Variants in SLIT1 observed in about 807,000 individuals in gnomAD.
The protein encoded by SLIT1 is slit homolog 1 protein.
Under a neutral mutation model 186.1 loss-of-function variants are expected in SLIT1, and 66 were observed. The ratio of observed to expected loss-of-function variants is 0.35; its 90% CI spans 0.29 to 0.44. SLIT1 has a LOEUF of 0.44. SLIT1 is among the 20% of genes least tolerant of loss of function. The pLI is 1.00. For missense variants in SLIT1, 1,638 were observed against 2,037.4 expected, an observed-to-expected ratio of 0.80 and a Z score of 3.77; for synonymous variants, 761 against 833.8, an observed-to-expected ratio of 0.91 and a Z score of 1.50.
intron 18 of SLIT1, among the ~76,000 whole-genome samples, chr10:97,044,613 T>TATA (rs530617862): frequency 8.6e-5 from 13 of 151,778 alleles, no homozygotes; most frequent in African/African-American, 2.7e-4. Context: ...GAATGAAAAA[T>TATA]ATAATAATAA....
chr10:97,061,384 G>GTGT (rs1385565549), intron 8 of SLIT1, among the ~76,000 whole-genome samples: 3 of 152,228 alleles, frequency 2.0e-5, no homozygotes, highest in Non-Finnish European at 4.4e-5. Flanking sequence ...CTTATACAAA[G>GTGT]TGTTCTTTCT....
At chr10:97,039,055 G>C (rs1209174521) in intron 21 of SLIT1, among the ~76,000 whole-genome samples, 2 of 152,204 alleles carry the variant, frequency 1.3e-5, no homozygotes, top group Non-Finnish European at 2.9e-5. Context: ...AGACGGGGCA[G>C]GCCAGGCCCA....
chr10:97,014,079 C>T lies in SLIT1; in HGVS notation c.3049G>A (p.Gly1017Arg), dbSNP rs2134594429. The change falls in exon 29 of 37, where the codon GGG becomes AGG. Residue 1017 changes from glycine (G) to arginine (R), a missense_variant. Transcript: ENST00000266058. ...DDCVDHACANGGVCVDGVGNY... is the reference protein window; with the variant it reads ...DDCVDHACANRGVCVDGVGNY... Reference sequence around the variant, plus strand: ...CCCACACCATCCACACAGACGCCCCCATTGGCACAGGCATGATCCACACAG... The same window carrying T: ...CCCACACCATCCACACAGACGCCCCTATTGGCACAGGCATGATCCACACAG... 6.2e-7 allele frequency: 1 copy of T among 1,613,950 alleles called. No individual in the cohort carries two copies. The highest frequency in any genetic ancestry group is 2.2e-5 in the East Asian group (1 of 44,876).
rs528611322 is a variant in SLIT1 at position 97,030,741 on chromosome 10, G to A, written c.2582+16C>T. 106 of 1,604,714 alleles carry A rather than the reference G, an allele frequency of 6.6e-5. 2 individuals are homozygous for A. The South Asian group carries it at 1.1e-3, about 17-fold the overall frequency. On this transcript the variant is annotated intron_variant, in intron 25 of 36. Coordinates refer to ENST00000266058, the MANE Select transcript of SLIT1 (RefSeq NM_003061.3). ...GAAATCCAAAGAGGCCCAGAGAAAG[G>A]GGCTAGGGTACTCACAGGTGAGACA...
At chr10:97,090,812 T>C (rs1849223019) in intron 4 of SLIT1, among the ~76,000 whole-genome samples, 1 of 152,194 alleles carries the variant, frequency 6.6e-6, no homozygotes, top group African/African-American at 2.4e-5. Context: ...GTCCAGCGGG[T>C]GCTGGGCCCT....
At chr10:97,067,306 G>A (rs578102670) in intron 4 of SLIT1, among the ~76,000 whole-genome samples, 52 of 152,264 alleles carry the variant, frequency 3.4e-4, no homozygotes, top group African/African-American at 1.0e-3. Flanking sequence ...TCCCTGTCAG[G>A]GCCGGGCCTC....
At chr10:97,154,663 C>T (rs1401970753) in intron 4 of SLIT1, 2 of 152,266 alleles carry the variant, frequency 1.3e-5, no homozygotes, top group Non-Finnish European at 2.9e-5. Flanking sequence ...CAGCCCCCTC[C>T]CGAAAGCAGC....
intron 1 of SLIT1, among the ~76,000 whole-genome samples, chr10:97,178,645 C>G (rs1170600109): frequency 5.9e-5 from 9 of 152,120 alleles, no homozygotes; most frequent in Non-Finnish European, 1.2e-4. Context: ...GTTTAATTTT[C>G]TGATGTTGAT....
rs537582529 is a variant in SLIT1, at chr10:97,029,541, G to A, written c.2582+1216C>T. Among the ~76,000 whole-genome samples, 13 of 152,324 alleles carry A rather than the reference G, an allele frequency of 8.5e-5. No individual in the cohort carries two copies. In the South Asian group the frequency reaches 2.7e-3, roughly 32 times the overall value. ...AGAGATGCCAGGAGAGAATGTGCCT[G>A]CTCAGTGCCCAGCCCAACCTCCAGA... On this transcript the variant is annotated intron_variant, in intron 25 of 36. Transcript: ENST00000266058.
In SLIT1 at chr10:97,118,903, A is replaced by T. The variant is rs148981936; in HGVS notation, c.413+38915T>A. Among the ~76,000 whole-genome samples the T allele has an allele frequency of 7.2e-5, 11 of 152,362 alleles. No individual in the cohort carries two copies. In the East Asian group the frequency reaches 2.1e-3, roughly 29 times the overall value. The stretch of plus-strand genomic sequence containing the variant: ...TAAGTGCCCAATAAATTATAGCTAA[A>T]AAACAAAAGGCATACACACACATGC... On this transcript the variant is annotated intron_variant, in intron 4 of 36. Transcript: ENST00000266058.
At position 97,022,100 on chromosome 10, in the gene SLIT1, G is replaced by T. The variant is rs1051860673; in HGVS notation, c.2583-687C>A. Among the ~76,000 whole-genome samples the T allele has an allele frequency of 6.6e-6, 1 of 152,174 alleles. No homozygotes were observed. The highest frequency in any genetic ancestry group is 1.5e-5 in the Non-Finnish European group (1 of 68,028). On this transcript the variant is annotated intron_variant, in intron 25 of 36. Transcript: ENST00000266058. The surrounding 1 kb of genome is among the most constrained non-coding windows in gnomAD (Gnocchi z 4.2). Reference sequence around the variant, plus strand: ...CCACATCGACTGCTGCAATGAGACAGCTGCTTTTCCTGTGTTTGGGCACCG... The same window carrying T: ...CCACATCGACTGCTGCAATGAGACATCTGCTTTTCCTGTGTTTGGGCACCG...
Position 97,021,379 on chromosome 10 carries a change from G to A in SLIT1, c.2617C>T (p.His873Tyr), listed in dbSNP as rs1313496741. Residue 873 changes from histidine to tyrosine, a missense_variant, in exon 26 of 37, where the codon CAC becomes TAC. Around this residue, in one of 3 missense-constraint regions of SLIT1, gnomAD observed 1,245 missense variants for 1,535.3 expected, o/e 0.81. Coordinates refer to ENST00000266058, the MANE Select transcript of SLIT1 (RefSeq NM_003061.3). The surrounding 1 kb of genome is among the most constrained non-coding windows in gnomAD (Gnocchi z 4.5). Reference protein sequence around the residue: ...IGANPLYCDCHLRWLSSWVKT... With the variant: ...IGANPLYCDCYLRWLSSWVKT... Reference sequence around the variant, plus strand: ...ACCCAGCTGGACAGCCAGCGGAGGTGGCAGTCACAGTATAGGGGGTTGGCA... The same window carrying A: ...ACCCAGCTGGACAGCCAGCGGAGGTAGCAGTCACAGTATAGGGGGTTGGCA... 1 of 1,614,124 alleles carries A rather than the reference G, an allele frequency of 6.2e-7. No individual in the cohort carries two copies. The highest frequency in any genetic ancestry group is 8.5e-7 in the Non-Finnish European group (1 of 1,180,008).
In SLIT1 at chr10:97,004,798, A is replaced by G; in HGVS notation, c.3605T>C (p.Ile1202Thr). The G allele has an allele frequency of 6.2e-7, 1 of 1,614,158 alleles. No homozygotes were observed. Among genetic ancestry groups the G allele is most frequent in the Non-Finnish European group, 8.5e-7 (1 of 1,180,004 alleles). ...GTCGTTGTCCCCGTTGTACAGAAGG[A>G]TCCCATTGTCCTCTGCCGTGGAGAC... is the stretch of plus-strand genomic sequence containing the variant. ...LQVSTAEDNG[I>T]LLYNGDNDHI... The change falls in exon 33 of 37, where the codon ATC (isoleucine) becomes ACC (threonine). Residue 1202 changes from isoleucine (I) to threonine (T), a missense_variant. Ile to Thr is a moderately conservative substitution (Grantham distance 89, BLOSUM62 -1). This residue lies in a region of SLIT1 where 173 missense variants were observed against 290.9 expected (regional missense o/e 0.59). Transcript: ENST00000266058. The surrounding 1 kb of genome is among the most constrained non-coding windows in gnomAD (Gnocchi z 5.1).
At chr10:97,110,390 T>G (rs900023121) in intron 4 of SLIT1, among the ~76,000 whole-genome samples, 1 of 152,176 alleles carries the variant, frequency 6.6e-6, no homozygotes, top group African/African-American at 2.4e-5. Flanking sequence ...TTCCAAGCAT[T>G]ATTTGCACGG....
rs138514181 is a variant in SLIT1 at position 97,039,170 on chromosome 10, G to A, written c.2297+818C>T. Among the ~76,000 whole-genome samples the A allele has an allele frequency of 4.1e-3, 618 of 152,298 alleles. 5 individuals are homozygous for A. The highest frequency in any genetic ancestry group is 0.014 in the African/African-American group (587 of 41,560). On this transcript the variant is annotated intron_variant, in intron 21 of 36. Transcript: ENST00000266058. ...CCTCATCGCTGGTCCTGGGGGTGGG[G>A]GGAGAAAAGCTCAGCTTTGGAGGCC... is the stretch of plus-strand genomic sequence containing the variant.
chr10:97,163,709 C>T (rs1419371593), intron 2 of SLIT1, among the ~76,000 whole-genome samples: 1 of 152,236 alleles, frequency 6.6e-6, no homozygotes, highest in Non-Finnish European at 1.5e-5. Context: ...CACTTGCAAC[C>T]CCCTGACCCT....
intron 4 of SLIT1, among the ~76,000 whole-genome samples, chr10:97,141,663 C>CATTGT (rs1251262942): frequency 7.5e-5 from 10 of 133,332 alleles, no homozygotes; most frequent in African/African-American, 3.3e-4. Context: ...TATTGTATTG[C>CATTGT]ATTGCATTGT....
intron 10 of SLIT1, 124 bp from the exon 11 acceptor site, chr10:97,059,655 G>T: frequency 1.4e-6 from 1 of 737,524 alleles, no homozygotes; most frequent in Non-Finnish European, 2.4e-6. Context: ...TGAGAATAGT[G>T]AGAGGCCAGA....
chr10:96,999,984 G>C lies in SLIT1; in HGVS notation c.*1128C>G, dbSNP rs551641998. On this transcript the variant is annotated 3_prime_UTR_variant, in exon 37 of 37. Transcript: ENST00000266058. ...ACTCCTCTGGCCTCCCAAGACCACA[G>C]TGGGGGAGTCTGCACTGTTCCTTTA... The C allele has an allele frequency of 4.1e-4, 62 of 152,434 alleles. No homozygotes were observed. The highest frequency in any genetic ancestry group is 1.4e-3 in the African/African-American group (60 of 41,584). 9.4% of individuals were successfully genotyped at this position (152,434 alleles called of 1,614,324 possible). A position where few individuals can be genotyped will look rare whatever the true frequency, so the allele number is the denominator to read the frequency against.
Sources: gnomAD v4.1 joint callset for allele counts (sites outside exome capture counted in the v4.1 genomes callset) on GRCh38, gnomAD v4.1.1 for gene constraint, gnomAD v4.1.1 regional missense constraint, Gnocchi (gnomAD v3.1) non-coding constraint, MANE v1.5 for transcripts, NCBI Gene and HGNC (gene_info 2026-07-23, HGNC 2026-07-21) for gene names.